IGF2BP2: variants seen among roughly 807,000 people sequenced by gnomAD.
The protein encoded by IGF2BP2 is insulin like growth factor 2 mRNA binding protein 2, also known as insulin-like growth factor 2 mRNA-binding protein 2.
IGF2BP2 carries 17 observed loss-of-function variants against 75.8 expected under a neutral mutation model. The ratio of observed to expected loss-of-function variants is 0.22; its 90% CI spans 0.15 to 0.34. IGF2BP2 has a LOEUF of 0.34. IGF2BP2 is among the 10% of genes least tolerant of loss of function. The probability of loss-of-function intolerance (pLI) is 1.00; values close to 1 mark genes in which losing one functional copy is unlikely to be tolerated. For synonymous variants in IGF2BP2, 288 were observed against 295.6 expected, an observed-to-expected ratio of 0.97 and a Z score of 0.26; for missense variants, 516 against 772.4, an observed-to-expected ratio of 0.67 and a Z score of 3.93.
chr3:185,684,731 C>T (rs1251002422), intron 7 of IGF2BP2, among the ~76,000 whole-genome samples: 4 of 152,020 alleles, frequency 2.6e-5, no homozygotes, highest in African/African-American at 9.7e-5. Flanking sequence ...CTTATAGCTG[C>T]ACTTAATTAC....
chr3:185,820,176 T>A (rs1275052735), intron 2 of IGF2BP2, among the ~76,000 whole-genome samples: 1 of 151,320 alleles, frequency 6.6e-6, no homozygotes, highest in African/African-American at 2.4e-5. Context: ...CAAGTTAGCA[T>A]GTCTTAGTTC....
intron 2 of IGF2BP2, among the ~76,000 whole-genome samples, chr3:185,822,363 A>T (rs1229230832): frequency 6.6e-6 from 1 of 152,214 alleles, no homozygotes; most frequent in African/African-American, 2.4e-5. Flanking sequence ...ATTTAGAATG[A>T]GTAATAAAGG....
At chr3:185,742,000 G>T (rs997711304) in intron 2 of IGF2BP2, among the ~76,000 whole-genome samples, 12 of 152,176 alleles carry the variant, frequency 7.9e-5, no homozygotes, top group African/African-American at 2.9e-4. Flanking sequence ...AGAAGGAAAA[G>T]AAGAGATAAT....
intron 2 of IGF2BP2, among the ~76,000 whole-genome samples, chr3:185,709,420 G>A (rs1383297547): frequency 1.3e-5 from 2 of 152,174 alleles, no homozygotes; most frequent in Admixed American, 1.3e-4. Context: ...AGCTCCCCAG[G>A]GGCACTTGCT....
chr3:185,809,489 G>A (rs902305546), intron 2 of IGF2BP2, among the ~76,000 whole-genome samples: 1 of 152,136 alleles, frequency 6.6e-6, no homozygotes, highest in African/African-American at 2.4e-5. Context: ...AAAAGGCTGG[G>A]TACAGTGGCT....
At chr3:185,658,132 C>T (rs1025417818) in intron 11 of IGF2BP2, among the ~76,000 whole-genome samples, 3 of 152,206 alleles carry the variant, frequency 2.0e-5, no homozygotes, top group Non-Finnish European at 4.4e-5. Context: ...ACAGGTGCAA[C>T]AGCAACGGCC....
chr3:185,690,224 T>A (rs937495233), intron 5 of IGF2BP2, among the ~76,000 whole-genome samples: 1 of 152,218 alleles, frequency 6.6e-6, no homozygotes, highest in Non-Finnish European at 1.5e-5. Flanking sequence ...CAAAAACTCT[T>A]ATAAATATCA....
intron 10 of IGF2BP2, among the ~76,000 whole-genome samples, chr3:185,658,911 G>T (rs1692332206): frequency 6.6e-6 from 1 of 152,194 alleles, no homozygotes; most frequent in Non-Finnish European, 1.5e-5. Flanking sequence ...CTCCATCAGA[G>T]AATTCTAGAA....
chr3:185,690,609 G>A (rs2149325942), intron 5 of IGF2BP2, among the ~76,000 whole-genome samples: 1 of 152,234 alleles, frequency 6.6e-6, no homozygotes, highest in Non-Finnish European at 1.5e-5. Flanking sequence ...TACACACACT[G>A]TCACCATTGG....
In IGF2BP2 at chr3:185,689,985, G is replaced by A. The variant is rs187367799; in HGVS notation, c.405-358C>T. 2.8e-3 allele frequency among the ~76,000 whole-genome samples: 362 copies of A among 131,206 alleles called. 1 individual carries two copies. The highest frequency in any genetic ancestry group is 9.3e-3 in the African/African-American group (332 of 35,596). The allele number at this position is 131,206 out of a possible 152,430, so 86.1% of individuals were successfully genotyped here. A position where few individuals can be genotyped will look rare whatever the true frequency, so the allele number is the denominator to read the frequency against. On this transcript the variant is annotated intron_variant, in intron 5 of 15. Transcript: ENST00000382199. ...TCCGTCTCAAAAAAAAAAAAAAAAA[G>A]AAAGACCCTCCCGCAAGACTGGTTC... is the stretch of plus-strand genomic sequence containing the variant.
At chr3:185,771,832 A>C (rs1168247350) in intron 2 of IGF2BP2, among the ~76,000 whole-genome samples, 1 of 152,126 alleles carries the variant, frequency 6.6e-6, no homozygotes, top group Admixed American at 6.5e-5. Flanking sequence ...ATGGAACTGG[A>C]AAGGTCTGGG....
intron 2 of IGF2BP2, among the ~76,000 whole-genome samples, chr3:185,794,991 G>A (rs901470775): frequency 2.0e-5 from 3 of 151,748 alleles, no homozygotes; most frequent in Non-Finnish European, 4.4e-5. Context: ...TCCACCTCCC[G>A]GGTTCATGCC....
At chr3:185,759,542 A>G (rs1445451108) in intron 2 of IGF2BP2, among the ~76,000 whole-genome samples, 1 of 152,236 alleles carries the variant, frequency 6.6e-6, no homozygotes, top group Non-Finnish European at 1.5e-5. Flanking sequence ...TACGCTTAAG[A>G]GGTAAGAGTC....
At chr3:185,817,419 A>G (rs1740752264) in intron 2 of IGF2BP2, among the ~76,000 whole-genome samples, 1 of 152,192 alleles carries the variant, frequency 6.6e-6, no homozygotes, top group African/African-American at 2.4e-5. Context: ...AGAAATAATT[A>G]TTGTATTCCT....
chr3:185,741,618 A>C (rs1204263666), intron 2 of IGF2BP2, among the ~76,000 whole-genome samples: 2 of 152,188 alleles, frequency 1.3e-5, no homozygotes, highest in Non-Finnish European at 2.9e-5. Flanking sequence ...GATAAGGAGA[A>C]CTCAACCCAG....
intron 7 of IGF2BP2, among the ~76,000 whole-genome samples, chr3:185,686,260 T>C (rs895358870): frequency 2.0e-5 from 3 of 152,152 alleles, no homozygotes; most frequent in African/African-American, 7.2e-5. Flanking sequence ...GGCGCACGCC[T>C]GTAATCCCAG....
rs887703078 is a variant in IGF2BP2, at chr3:185,698,451, G to A, written c.240-104C>T. On this transcript the variant is annotated intron_variant, in intron 2 of 15. Coordinates refer to ENST00000382199, the MANE Select transcript of IGF2BP2 (RefSeq NM_006548.6). ...CGTCATTTGAATTTGTTTTCTCACT[G>A]TGTTCACCATGGCATCAACAAAAAA... is the stretch of plus-strand genomic sequence containing the variant. 8.7e-6 allele frequency: 9 copies of A among 1,039,856 alleles called. No homozygotes were observed. In the Admixed American group the frequency reaches 1.6e-4, roughly 18 times the overall value. The allele number at this position is 1,039,856 out of a possible 1,614,324, so 64.4% of individuals were successfully genotyped here. A position where few individuals can be genotyped will look rare whatever the true frequency, so the allele number is the denominator to read the frequency against.
chr3:185,738,354 T>C (rs890333652), intron 2 of IGF2BP2, among the ~76,000 whole-genome samples: 1 of 152,190 alleles, frequency 6.6e-6, no homozygotes, highest in African/African-American at 2.4e-5. Flanking sequence ...CACTAATAAT[T>C]ACAGAACTAA....
Position 185,696,630 on chromosome 3 carries a change from C to T in IGF2BP2, c.322G>A (p.Val108Met). The part of the protein sequence containing the change: ...LDGLLAQYGT[V>M]ENVEQVNTDT... Reference sequence around the variant, plus strand: ...TTATTACCTTGTTCCACATTCTCCACTGTCCCATATTGAGCCAAAAGTCCA... The same window carrying T: ...TTATTACCTTGTTCCACATTCTCCATTGTCCCATATTGAGCCAAAAGTCCA... The change falls in exon 4 of 16, where the codon GTG becomes ATG. Residue 108 changes from valine (V) to methionine (M), a missense_variant. Physicochemically the swap from Val to Met is conservative, Grantham distance 21. Coordinates refer to ENST00000382199, the MANE Select transcript of IGF2BP2 (RefSeq NM_006548.6). 6.2e-7 allele frequency: 1 copy of T among 1,613,906 alleles called. No individual in the cohort carries two copies. The highest frequency in any genetic ancestry group is 8.5e-7 in the Non-Finnish European group (1 of 1,179,894).
Sources: allele counts gnomAD v4.1 joint callset (sites outside exome capture counted in the v4.1 genomes callset), GRCh38; gene constraint gnomAD v4.1.1; transcripts MANE v1.5; gene names NCBI Gene and HGNC (gene_info 2026-07-23, HGNC 2026-07-21).